FOCAD: variants seen among roughly 807,000 people sequenced by gnomAD.
FOCAD encodes the protein KIAA1797.
A neutral mutation model predicts 225.6 loss-of-function variants in FOCAD; 198 were observed. The ratio of observed to expected loss-of-function variants is 0.88; its 90% CI spans 0.78 to 0.99. The LOEUF is 0.99. Ranked by LOEUF, FOCAD falls within the 50% of genes least tolerant of loss-of-function variation. The pLI is 0.00. For synonymous variants in FOCAD, 897 were observed against 755.0 expected (o/e 1.19, Z -3.08); for missense variants, 2,713 against 2,123.6 (o/e 1.28, Z -5.46).
intron 11 of FOCAD, among the ~76,000 whole-genome samples, chr9:20,816,033 C>G (rs1485992779): frequency 6.6e-6 from 1 of 152,036 alleles, no homozygotes; most frequent in Non-Finnish European, 1.5e-5. Flanking sequence ...TGTATTAAGT[C>G]TAAGATTATT....
chr9:20,857,709 T>C (rs186803815), intron 15 of FOCAD, among the ~76,000 whole-genome samples: 5 of 151,874 alleles, frequency 3.3e-5, no homozygotes, highest in African/African-American at 1.2e-4. Flanking sequence ...AGTATTCTAC[T>C]AGCTGTTGAT....
rs1290583034 is a variant in FOCAD, at chr9:20,929,549, C to T, written c.3270C>T (p.Gly1090=). The T allele has an allele frequency of 3.1e-6, 5 of 1,613,974 alleles. No homozygotes were observed. Among genetic ancestry groups the T allele is most frequent in the Non-Finnish European group, 4.2e-6 (5 of 1,180,010 alleles). ...DESQAVQIHM[G]LALGMFLSRL... is the part of the protein sequence containing the mutation. ...CTCAAGCCGTGCAAATCCACATGGG[C>T]CTTGCTTTAGGGATGTTTCTCTCTC... The change falls in exon 27 of 44, where the codon GGC becomes GGT. Residue 1090 remains glycine, a synonymous_variant. Transcript: ENST00000338382.
chr9:20,723,888 T>A (rs1247223884), intron 4 of FOCAD, among the ~76,000 whole-genome samples: 2 of 152,168 alleles, frequency 1.3e-5, no homozygotes, highest in African/African-American at 4.8e-5. Context: ...GGTGCCAGTA[T>A]CTGCTTCTGG....
chr9:20,982,727 G>A (rs762548929), intron 39 of FOCAD, among the ~76,000 whole-genome samples: 1 of 152,194 alleles, frequency 6.6e-6, no homozygotes, highest in Non-Finnish European at 1.5e-5. Context: ...AATGAAGAAG[G>A]TGGTTGATTG....
At chr9:20,899,282 G>C (rs1247621499) in intron 21 of FOCAD, among the ~76,000 whole-genome samples, 2 of 151,874 alleles carry the variant, frequency 1.3e-5, no homozygotes, top group East Asian at 3.9e-4. Flanking sequence ...AAGGTGTGGG[G>C]ACCCTCCCTA....
chr9:20,938,586 G>C (rs182484116), intron 28 of FOCAD, among the ~76,000 whole-genome samples: 4 of 151,422 alleles, frequency 2.6e-5, no homozygotes, highest in Admixed American at 6.6e-5. Context: ...TTGTGGGGTG[G>C]GGGGAGTGGG....
intron 24 of FOCAD, among the ~76,000 whole-genome samples, chr9:20,920,819 G>A (rs182620437): frequency 8.0e-5 from 12 of 150,870 alleles, no homozygotes; most frequent in Non-Finnish European, 1.6e-4. Context: ...GTTGTGGGGT[G>A]GGGGGAGTGG....
chr9:20,753,171 C>T (rs1006486073), intron 5 of FOCAD, among the ~76,000 whole-genome samples: 1 of 152,044 alleles, frequency 6.6e-6, no homozygotes, highest in Admixed American at 6.6e-5. Context: ...TGCCTAATTG[C>T]CCTGGCCAGA....
chr9:20,873,560 A>T (rs989828913), intron 18 of FOCAD, among the ~76,000 whole-genome samples: 2 of 152,174 alleles, frequency 1.3e-5, no homozygotes, highest in East Asian at 3.8e-4. Flanking sequence ...GGTACTTAAT[A>T]CTGAATCTGA....
intron 2 of FOCAD, among the ~76,000 whole-genome samples, chr9:20,662,730 G>C (rs758197521): frequency 6.6e-6 from 1 of 152,070 alleles, no homozygotes; most frequent in African/African-American, 2.4e-5. Flanking sequence ...GATTACAGGC[G>C]TGAGCCACGG....
At chr9:20,754,236 A>G (rs990141065) in intron 5 of FOCAD, among the ~76,000 whole-genome samples, 2 of 152,222 alleles carry the variant, frequency 1.3e-5, no homozygotes, top group Non-Finnish European at 2.9e-5. Flanking sequence ...TCTTGAATAC[A>G]GCAAGACTGA....
intron 2 of FOCAD, among the ~76,000 whole-genome samples, chr9:20,673,058 G>C (rs1443709174): frequency 6.6e-6 from 1 of 152,202 alleles, no homozygotes; most frequent in East Asian, 1.9e-4. Flanking sequence ...GGAGTATGCA[G>C]TGGCAATGAA....
chr9:20,691,830 C>G (rs1239018205), intron 1 of FOCAD, among the ~76,000 whole-genome samples: 3 of 149,268 alleles, frequency 2.0e-5, no homozygotes, highest in South Asian at 2.2e-4. Flanking sequence ...CTGGAGTGCA[C>G]TGGCACGATC....
At chr9:20,816,419 A>T (rs942898379) in intron 11 of FOCAD, among the ~76,000 whole-genome samples, 29 of 150,976 alleles carry the variant, frequency 1.9e-4, no homozygotes, top group African/African-American at 6.5e-4. Flanking sequence ...GTCTCCTTTC[A>T]TTTGCCGAAA....
intron 6 of FOCAD, among the ~76,000 whole-genome samples, chr9:20,762,637 G>T (rs1048306273): frequency 6.6e-6 from 1 of 152,156 alleles, no homozygotes; most frequent in Admixed American, 6.5e-5. Flanking sequence ...GTAAGACTAT[G>T]TTGTCAAGTG....
intron 1 of FOCAD, among the ~76,000 whole-genome samples, chr9:20,694,858 T>C (rs547428735): frequency 1.3e-5 from 2 of 152,354 alleles, no homozygotes; most frequent in African/African-American, 4.8e-5. Flanking sequence ...TATTATCCAA[T>C]ACAGTCCATA....
chr9:20,981,203 A>G (rs1840668009), intron 37 of FOCAD, among the ~76,000 whole-genome samples: 1 of 152,232 alleles, frequency 6.6e-6, no homozygotes, highest in Non-Finnish European at 1.5e-5. Flanking sequence ...GATCCCATAT[A>G]AACACATGAT....
intron 11 of FOCAD, among the ~76,000 whole-genome samples, chr9:20,796,300 C>A (rs1213211241): frequency 6.6e-6 from 1 of 152,152 alleles, no homozygotes; most frequent in Non-Finnish European, 1.5e-5. Context: ...TTTATAGCAG[C>A]ATGATTTATA....
chr9:20,692,478 C>T (rs1823032605), intron 1 of FOCAD, among the ~76,000 whole-genome samples: 1 of 152,298 alleles, frequency 6.6e-6, no homozygotes, highest in South Asian at 2.1e-4. Flanking sequence ...TCAATTGTTA[C>T]CTACTCCCAA....
Sources: gnomAD v4.1 joint callset for allele counts (sites outside exome capture counted in the v4.1 genomes callset) on GRCh38, gnomAD v4.1.1 for gene constraint, MANE v1.5 for transcripts, NCBI Gene and HGNC (gene_info 2026-07-23, HGNC 2026-07-21) for gene names.